Variants in DPP10 observed in about 807,000 individuals in gnomAD.
DPP10 encodes inactive dipeptidyl peptidase 10.
DPP10 carries 33 observed loss-of-function variants against 120.9 expected under a neutral mutation model. The ratio of observed to expected loss-of-function variants is 0.27; its 90% CI spans 0.21 to 0.37. The LOEUF is 0.37. DPP10 is among the 10% of genes least tolerant of loss of function. DPP10 has a pLI of 1.00. For synonymous variants in DPP10, 337 were observed against 326.1 expected, an observed-to-expected ratio of 1.03 and a Z score of -0.36; for missense variants, 816 against 942.8, an observed-to-expected ratio of 0.87 and a Z score of 1.76.
intron 1 of DPP10, among the ~76,000 whole-genome samples, chr2:114,482,275 G>A (rs1454456993): frequency 6.6e-6 from 1 of 152,156 alleles, no homozygotes; most frequent in Non-Finnish European, 1.5e-5. Flanking sequence ...AGCTGTGGGG[G>A]ACAGAGAAAG....
chr2:115,298,574 C>T lies in DPP10; in HGVS notation c.61-10665C>T, dbSNP rs578233391. ...TTCCCTCCCCAGGAACTCACTAGGT[C>T]TGAGCTGGGGATGAATAATTTGCAT... On this transcript the variant is annotated intron_variant, in intron 1 of 25. Transcript: ENST00000410059. Among the ~76,000 whole-genome samples the T allele has an allele frequency of 2.0e-5, 3 of 152,120 alleles. No homozygotes were observed. In the South Asian group the frequency reaches 6.2e-4, roughly 32 times the overall value.
chr2:115,795,390 A>G (rs1168091800), intron 19 of DPP10, among the ~76,000 whole-genome samples: 1 of 152,108 alleles, frequency 6.6e-6, no homozygotes, highest in African/African-American at 2.4e-5. Context: ...CCAGAATGCA[A>G]CATATGCTAT....
At chr2:114,766,300 G>T (rs544764073) in intron 1 of DPP10, among the ~76,000 whole-genome samples, 1 of 152,186 alleles carries the variant, frequency 6.6e-6, no homozygotes, top group Non-Finnish European at 1.5e-5. Context: ...CAAACGTTTT[G>T]CAAGGATTAA....
chr2:115,256,546 T>A (rs535377636), intron 1 of DPP10, among the ~76,000 whole-genome samples: 3 of 152,208 alleles, frequency 2.0e-5, no homozygotes, highest in Admixed American at 6.5e-5. Context: ...ATGGCTCTGA[T>A]ACTCTGGGCC....
At chr2:115,193,411 A>G (rs189068285) in intron 1 of DPP10, among the ~76,000 whole-genome samples, 2 of 152,330 alleles carry the variant, frequency 1.3e-5, no homozygotes, top group African/African-American at 4.8e-5. Context: ...TTAGGATAAT[A>G]CATGTTACAG....
intron 5 of DPP10, among the ~76,000 whole-genome samples, chr2:115,623,744 T>A (rs1200635142): frequency 4.6e-5 from 7 of 152,186 alleles, no homozygotes; most frequent in Non-Finnish European, 8.8e-5. Flanking sequence ...CTCCTCTTTG[T>A]ATAATTTCTC....
At chr2:114,990,090 T>C (rs1163812735) in intron 1 of DPP10, among the ~76,000 whole-genome samples, 1 of 152,186 alleles carries the variant, frequency 6.6e-6, no homozygotes, top group Non-Finnish European at 1.5e-5. Context: ...TCAAGGTGAA[T>C]AGCTGAATAA....
At chr2:115,334,228 C>CTTTTTT (rs1393213758) in intron 2 of DPP10, among the ~76,000 whole-genome samples, 1 of 22,326 alleles carries the variant, frequency 4.5e-5, no homozygotes, top group South Asian at 1.4e-3. Context: ...AGAGCAGACT[C>CTTTTTT]TGTTTTTTTT....
chr2:114,631,601 T>C (rs1694931142), intron 1 of DPP10, among the ~76,000 whole-genome samples: 1 of 152,196 alleles, frequency 6.6e-6, no homozygotes, highest in African/African-American at 2.4e-5. Context: ...CCTGCCTGCG[T>C]GTCCAGTGTC....
At chr2:115,017,732 T>G (rs1449591547) in intron 1 of DPP10, among the ~76,000 whole-genome samples, 1 of 152,004 alleles carries the variant, frequency 6.6e-6, no homozygotes, top group Non-Finnish European at 1.5e-5. Context: ...GAAACCATCA[T>G]TCTCAGCAAA....
intron 1 of DPP10, among the ~76,000 whole-genome samples, chr2:115,138,005 G>A (rs13409802): frequency 5.6e-4 from 85 of 152,234 alleles, no homozygotes; most frequent in African/African-American, 1.9e-3. Context: ...ATCATATGAG[G>A]ACAGAAAGAG....
chr2:115,059,837 T>C (rs1326142457), intron 1 of DPP10, among the ~76,000 whole-genome samples: 1 of 111,028 alleles, frequency 9.0e-6, no homozygotes, highest in Non-Finnish European at 1.9e-5. Flanking sequence ...CTTACTGATC[T>C]TTTTTGTTTA....
intron 1 of DPP10, among the ~76,000 whole-genome samples, chr2:115,193,777 AAG>A (rs1239754471): frequency 6.6e-6 from 1 of 152,144 alleles, no homozygotes; most frequent in Non-Finnish European, 1.5e-5. Context: ...CTATTTCTAC[AAG>A]AGTTTCTCTA....
intron 1 of DPP10, among the ~76,000 whole-genome samples, chr2:114,899,875 G>T (rs567797606): frequency 1.3e-5 from 2 of 152,212 alleles, no homozygotes; most frequent in African/African-American, 4.8e-5. Flanking sequence ...CAGGAGAATG[G>T]CGTGAACCCG....
At chr2:114,526,872 T>G (rs972342306) in intron 1 of DPP10, among the ~76,000 whole-genome samples, 2 of 152,210 alleles carry the variant, frequency 1.3e-5, no homozygotes, top group Non-Finnish European at 2.9e-5. Context: ...AAATATTTAG[T>G]TAATTACATG....
intron 1 of DPP10, among the ~76,000 whole-genome samples, chr2:115,024,062 C>T (rs1431409761): frequency 1.3e-5 from 2 of 152,026 alleles, no homozygotes; most frequent in African/African-American, 4.8e-5. Flanking sequence ...ACAGTGTACA[C>T]TGCTTGGGTG....
intron 7 of DPP10, among the ~76,000 whole-genome samples, chr2:115,693,638 C>T (rs1261781972): frequency 6.6e-6 from 1 of 152,020 alleles, no homozygotes; most frequent in Non-Finnish European, 1.5e-5. Flanking sequence ...TTAATGTATG[C>T]ATTTTCTTTA....
At chr2:114,877,426 C>T (rs1691246370) in intron 1 of DPP10, among the ~76,000 whole-genome samples, 1 of 151,960 alleles carries the variant, frequency 6.6e-6, no homozygotes, top group South Asian at 2.1e-4. Context: ...CATTGGAAGC[C>T]ATTTCAAGCA....
chr2:114,969,968 C>T (rs1699287477), intron 1 of DPP10, among the ~76,000 whole-genome samples: 1 of 152,106 alleles, frequency 6.6e-6, no homozygotes, highest in South Asian at 2.1e-4. Flanking sequence ...TATTATTTGC[C>T]TTAATTATCA....
Sources: allele counts gnomAD v4.1 joint callset (sites outside exome capture counted in the v4.1 genomes callset), GRCh38; gene constraint gnomAD v4.1.1; transcripts MANE v1.5; gene names NCBI Gene and HGNC (gene_info 2026-07-23, HGNC 2026-07-21).